CLTCL1: variants seen among roughly 807,000 people sequenced by gnomAD.
CLTCL1 encodes clathrin heavy chain like 1.
A neutral mutation model predicts 190.0 loss-of-function variants in CLTCL1; 159 were observed. That is an observed-to-expected ratio of 0.84 (90% CI 0.74 to 0.95). The LOEUF (loss-of-function observed/expected upper bound fraction) is 0.95, where lower values mean the gene tolerates loss of function less well. Among genes scored for constraint, CLTCL1 ranks in the 40% least tolerant of loss-of-function variants. The probability of loss-of-function intolerance (pLI) is 0.00; values close to 1 mark genes in which losing one functional copy is unlikely to be tolerated. For missense variants in CLTCL1, 1,878 were observed against 2,033.4 expected (o/e 0.92, Z 1.47); for synonymous variants, 752 against 769.6 (o/e 0.98, Z 0.38).
chr22:19,274,503 G>A (rs964048025), intron 2 of CLTCL1, among the ~76,000 whole-genome samples: 20 of 152,132 alleles, frequency 1.3e-4, no homozygotes, highest in African/African-American at 4.8e-4. Flanking sequence ...ACTTTGACAA[G>A]ATTACAAGGG....
At chr22:19,275,467 C>A (rs117332900) in intron 2 of CLTCL1, among the ~76,000 whole-genome samples, 156 bp downstream of exon 2, 305 of 152,144 alleles carry the variant, frequency 2.0e-3, no homozygotes, top group Non-Finnish European at 3.9e-3. Flanking sequence ...CTTACTAGGG[C>A]ACACTAAACA....
intron 3 of CLTCL1, among the ~76,000 whole-genome samples, chr22:19,244,176 A>G (rs2145974099): frequency 6.6e-6 from 1 of 152,080 alleles, no homozygotes; most frequent in African/African-American, 2.4e-5. Flanking sequence ...TCTATTCCTC[A>G]CTCACTCACA....
At position 19,247,553 on chromosome 22, in the gene CLTCL1, A is replaced by ATTTGT. The variant is rs572220346; in HGVS notation, c.520-4622_520-4618dup. Among the ~76,000 whole-genome samples, 42 of 151,830 alleles carry ATTTGT rather than the reference A, an allele frequency of 2.8e-4. No individual in the cohort carries two copies. In the South Asian group the frequency reaches 7.5e-3, roughly 27 times the overall value. On this transcript the variant is annotated intron_variant, in intron 3 of 32. Coordinates refer to ENST00000427926, the MANE Select transcript of CLTCL1 (RefSeq NM_007098.4). ...TTTTTATTTTGTTGTTGTTGTTGTC[A>ATTTGT]TTTGTTTTGTTTTGTTTTGTTTTTG...
At chr22:19,282,988 C>G (rs1320033889) in intron 1 of CLTCL1, among the ~76,000 whole-genome samples, 1 of 151,522 alleles carries the variant, frequency 6.6e-6, no homozygotes, top group African/African-American at 2.4e-5. Flanking sequence ...TCTCCAGCCT[C>G]AGCCTCCCAA....
chr22:19,245,852 G>A (rs1261602649), intron 3 of CLTCL1, among the ~76,000 whole-genome samples: 2 of 152,122 alleles, frequency 1.3e-5, no homozygotes, highest in Non-Finnish European at 2.9e-5. Context: ...CATTTTTAGG[G>A]TTAAATAATG....
In CLTCL1 at chr22:19,221,460, C is replaced by G. The variant is rs1352951888; in HGVS notation, c.2713G>C (p.Val905Leu). ...TCTCGCTTCTCACAGTAGCGGCCCA[C>G]CACGCTGCTGTCATAGTAGGCATTC... The part of the protein sequence containing the change: ...RENAYYDSSV[V>L]GRYCEKRDPH... The change falls in exon 17 of 33, where the codon GTG becomes CTG. Residue 905 changes from valine to leucine, a missense_variant. By Grantham distance (32) the Val-to-Leu change is conservative. Coordinates refer to ENST00000427926, the MANE Select transcript of CLTCL1 (RefSeq NM_007098.4). 6.3e-7 allele frequency: 1 copy of G among 1,583,122 alleles called. No individual in the cohort carries two copies. The highest frequency in any genetic ancestry group is 8.6e-7 in the Non-Finnish European group (1 of 1,164,284).
intron 1 of CLTCL1, among the ~76,000 whole-genome samples, chr22:19,283,193 T>C (rs1271090659): frequency 6.6e-6 from 1 of 151,058 alleles, no homozygotes; most frequent in East Asian, 2.0e-4. Context: ...TTTTTTTCAC[T>C]AGTTAGTAGA....
intron 31 of CLTCL1, among the ~76,000 whole-genome samples, 173 bp downstream of exon 31, chr22:19,180,558 G>A (rs1295749449): frequency 2.0e-5 from 3 of 152,284 alleles, no homozygotes; most frequent in South Asian, 2.1e-4. Context: ...GACAGCGGCC[G>A]TGCCAACATT....
intron 5 of CLTCL1, among the ~76,000 whole-genome samples, chr22:19,237,813 G>C (rs1325286441): frequency 6.6e-6 from 1 of 152,170 alleles, no homozygotes; most frequent in Non-Finnish European, 1.5e-5. Context: ...GTATAAATCT[G>C]CACAAATGTA....
chr22:19,223,234 GGCC>G (rs1555953683), intron 14 of CLTCL1, among the ~76,000 whole-genome samples: 1 of 152,062 alleles, frequency 6.6e-6, no homozygotes, highest in African/African-American at 2.4e-5. Flanking sequence ...GACAGCCACA[GGCC>G]ACCACAATCA....
chr22:19,254,094 G>A lies in CLTCL1; in HGVS notation c.384C>T (p.Tyr128=), dbSNP rs539722586. 8 of 1,612,834 alleles carry A rather than the reference G, an allele frequency of 5.0e-6. No individual in the cohort carries two copies. In the African/African-American group the frequency reaches 5.3e-5, roughly 11 times the overall value. ...GGGAGTCACCTTCCATGCTCCAGTGGTAGACCGCGGTCTCGGTCACCAAGG... is the reference window on the plus strand; with the variant it reads ...GGGAGTCACCTTCCATGCTCCAGTGATAGACCGCGGTCTCGGTCACCAAGG... ...TVALVTETAV[Y]HWSMEGDSQP... is the part of the protein sequence containing the mutation. The change falls in exon 3 of 33, where the codon TAC becomes TAT. Residue 128 remains tyrosine, a synonymous_variant. Coordinates refer to ENST00000427926, the MANE Select transcript of CLTCL1 (RefSeq NM_007098.4).
chr22:19,231,209 G>A (rs1399461999), intron 10 of CLTCL1, among the ~76,000 whole-genome samples: 1 of 152,182 alleles, frequency 6.6e-6, no homozygotes, highest in African/African-American at 2.4e-5. Context: ...ATAATCACGA[G>A]CCAATTCTCC....
intron 19 of CLTCL1, among the ~76,000 whole-genome samples, chr22:19,211,445 T>C (rs1484770089): frequency 6.6e-6 from 1 of 152,122 alleles, no homozygotes; most frequent in Non-Finnish European, 1.5e-5. Context: ...CTATAATGAA[T>C]CGCAAAGAAA....
intron 2 of CLTCL1, among the ~76,000 whole-genome samples, chr22:19,257,267 A>T (rs144700980): frequency 1.3e-3 from 197 of 152,332 alleles, no homozygotes; most frequent in African/African-American, 4.2e-3. Flanking sequence ...TATAAGAGAG[A>T]ACTCAAAAAT....
chr22:19,185,016 G>A (rs1221974692), intron 29 of CLTCL1, among the ~76,000 whole-genome samples: 15 of 152,268 alleles, frequency 9.9e-5, no homozygotes, highest in Admixed American at 9.8e-4. Flanking sequence ...TGCTACTTCT[G>A]TCATCTGGAA....
At chr22:19,248,497 A>G (rs1206542) in intron 3 of CLTCL1, among the ~76,000 whole-genome samples, 10,829 of 152,136 alleles carry the variant, frequency 0.071, 470 homozygotes, top group Middle Eastern at 0.17. Context: ...TCACTACAAC[A>G]TAGTTTTAGA....
intron 26 of CLTCL1, among the ~76,000 whole-genome samples, chr22:19,193,864 C>G (rs1329071128): frequency 1.3e-5 from 2 of 152,218 alleles, no homozygotes; most frequent in Non-Finnish European, 2.9e-5. Flanking sequence ...GTGAGTGTTA[C>G]AGCTTTTAAA....
At chr22:19,192,468 C>G (rs1167791864) in intron 26 of CLTCL1, among the ~76,000 whole-genome samples, 1 of 152,156 alleles carries the variant, frequency 6.6e-6, no homozygotes, top group Non-Finnish European at 1.5e-5. Context: ...TGAACCAAGA[C>G]AGTGGTGATG....
chr22:19,208,086 T>C (rs1268687500), intron 22 of CLTCL1, 68 bp downstream of exon 22: 1 of 1,593,950 alleles, frequency 6.3e-7, no homozygotes, highest in African/African-American at 1.3e-5. Context: ...TCGGGACTGC[T>C]GCTCTGAGGA....
Sources: allele counts gnomAD v4.1 joint callset (sites outside exome capture counted in the v4.1 genomes callset), GRCh38; gene constraint gnomAD v4.1.1; transcripts MANE v1.5; gene names NCBI Gene and HGNC (gene_info 2026-07-23, HGNC 2026-07-21).